STK10: variants seen among roughly 807,000 people sequenced by gnomAD.
STK10 encodes serine/threonine-protein kinase 10.
A neutral mutation model predicts 113.8 loss-of-function variants in STK10; 78 were observed. The ratio of observed to expected loss-of-function variants is 0.69; its 90% CI spans 0.57 to 0.83. The LOEUF (loss-of-function observed/expected upper bound fraction) is 0.83. Ranked by LOEUF, STK10 falls within the 40% of genes least tolerant of loss-of-function variation. STK10 has a pLI of 0.00. For missense variants in STK10, 1,109 were observed against 1,280.1 expected (o/e 0.87, Z 2.04); for synonymous variants, 465 against 494.7 (o/e 0.94, Z 0.80).
Position 172,055,793 on chromosome 5 carries a change from A to G in STK10, c.2338-17T>C. ...CTCCCGCTCCTGGAGAGGAATATCC[A>G]GAGGGGCTGAGGGCAGCTGCACTCT... On this transcript the variant is annotated splice_polypyrimidine_tract_variant and intron_variant, in intron 15 of 18. Coordinates refer to ENST00000176763, the MANE Select transcript of STK10 (RefSeq NM_005990.4). 1 of 1,452,362 alleles carries G rather than the reference A, an allele frequency of 6.9e-7. No homozygotes were observed. Among genetic ancestry groups the G allele is most frequent in the South Asian group, 1.5e-5 (1 of 66,496 alleles). The allele number at this position is 1,452,362 out of a possible 1,614,324, so 90.0% of individuals were successfully genotyped here. A position where few individuals can be genotyped will look rare whatever the true frequency, so the allele number is the denominator to read the frequency against.
At chr5:172,109,034 C>T (rs1475173232) in intron 4 of STK10, among the ~76,000 whole-genome samples, 1 of 152,220 alleles carries the variant, frequency 6.6e-6, no homozygotes, top group East Asian at 2.0e-4. Context: ...GTCCACCAGC[C>T]TTGGCCTTCC....
intron 13 of STK10, among the ~76,000 whole-genome samples, chr5:172,062,324 C>T (rs1767955127): frequency 6.6e-6 from 1 of 152,146 alleles, no homozygotes; most frequent in South Asian, 2.1e-4. Flanking sequence ...GTAAAACTCT[C>T]CACTCATCTT....
Position 172,044,767 on chromosome 5 carries a change from A to C in STK10, c.*115T>G, listed in dbSNP as rs912927307. 6.4e-7 allele frequency: 1 copy of C among 1,564,780 alleles called. No individual in the cohort carries two copies. Among genetic ancestry groups the C allele is most frequent in the Non-Finnish European group, 8.7e-7 (1 of 1,147,772 alleles). On this transcript the variant is annotated 3_prime_UTR_variant, in exon 19 of 19. Coordinates refer to ENST00000176763, the MANE Select transcript of STK10 (RefSeq NM_005990.4). This position sits in a 1 kb window ranked among gnomAD's most constrained non-coding sequence, Gnocchi z 4.5. Reference sequence around the variant, plus strand: ...GGGGTGGCACAGGGCGAGGGGCTGGATTTGAGCTGGCACAGACGCAAGAGG... The same window carrying C: ...GGGGTGGCACAGGGCGAGGGGCTGGCTTTGAGCTGGCACAGACGCAAGAGG...
In STK10 at chr5:172,083,011, G is replaced by A. The variant is rs768871728; in HGVS notation, c.1759C>T (p.His587Tyr). The A allele has an allele frequency of 1.1e-5, 17 of 1,614,054 alleles. No individual in the cohort carries two copies. The Admixed American group carries it at 2.8e-4, about 27-fold the overall frequency. Reference protein sequence around the residue: ...HRNQTQLSNKHELQLEQMHKR... With the variant: ...HRNQTQLSNKYELQLEQMHKR... The stretch of plus-strand genomic sequence containing the variant: ...TGCATTTGCTCCAGCTGCAGCTCAT[G>A]CTTGTTACTCAGCTGGGTCTGGTTC... Residue 587 changes from histidine to tyrosine, a missense_variant, in exon 11 of 19, where the codon CAT (histidine) becomes TAT (tyrosine). His to Tyr is a moderately conservative substitution (Grantham distance 83). Transcript: ENST00000176763.
At chr5:172,158,343 T>C (rs1257923284) in intron 1 of STK10, among the ~76,000 whole-genome samples, 4 of 151,244 alleles carry the variant, frequency 2.6e-5, no homozygotes, top group Non-Finnish European at 5.9e-5. Flanking sequence ...GCAGCCAAAG[T>C]GTGGAAACAA....
intron 4 of STK10, among the ~76,000 whole-genome samples, chr5:172,110,693 C>T (rs950784588): frequency 1.4e-4 from 22 of 152,100 alleles, no homozygotes; most frequent in Admixed American, 1.2e-3. Flanking sequence ...AGGCAGGAGA[C>T]GGGCAGGGCA....
At position 172,044,874 on chromosome 5, in the gene STK10, G is replaced by A. The variant is rs758255672; in HGVS notation, c.*8C>T. On this transcript the variant is annotated 3_prime_UTR_variant, in exon 19 of 19. Coordinates refer to ENST00000176763, the MANE Select transcript of STK10 (RefSeq NM_005990.4). This position sits in a 1 kb window ranked among gnomAD's most constrained non-coding sequence, Gnocchi z 4.5. Reference sequence around the variant, plus strand: ...CACCAAGCTGCCAGCCACAGCCCCGGGCGGTTGTTAAGAAGCATCCGCAGA... The same window carrying A: ...CACCAAGCTGCCAGCCACAGCCCCGAGCGGTTGTTAAGAAGCATCCGCAGA... 3 of 1,614,180 alleles carry A rather than the reference G, an allele frequency of 1.9e-6. No individual in the cohort carries two copies. Among genetic ancestry groups the A allele is most frequent in the Non-Finnish European group, 2.5e-6 (3 of 1,180,048 alleles).
In STK10 at chr5:172,187,656, G is replaced by T. The variant is rs1414765570; in HGVS notation, c.156+231C>A. 6.6e-6 allele frequency among the ~76,000 whole-genome samples: 1 copy of T among 152,256 alleles called. No homozygotes were observed. Among genetic ancestry groups the T allele is most frequent in the Non-Finnish European group, 1.5e-5 (1 of 68,044 alleles). On this transcript the variant is annotated intron_variant, in intron 1 of 18. Transcript: ENST00000176763. The surrounding 1 kb of genome is among the most constrained non-coding windows in gnomAD (Gnocchi z 4.6). Reference sequence around the variant, plus strand: ...CAGGAAGTGCTCCGAAACAGGGCTAGGGTGGGGGCGGCAACCGTGCCCGGA... The same window carrying T: ...CAGGAAGTGCTCCGAAACAGGGCTATGGTGGGGGCGGCAACCGTGCCCGGA...
At chr5:172,091,549 G>C (rs1200644533) in intron 9 of STK10, among the ~76,000 whole-genome samples, 2 of 69,226 alleles carry the variant, frequency 2.9e-5, no homozygotes, top group African/African-American at 7.6e-5. Flanking sequence ...TTTTTTTTTT[G>C]AGATGGAGTC....
chr5:172,090,469 C>T, intron 9 of STK10, 107 bp from the exon 10 acceptor site: 3 of 1,455,832 alleles, frequency 2.1e-6, no homozygotes, highest in Non-Finnish European at 1.9e-6. Context: ...TTCAGAACCA[C>T]CCCCAGAGAG....
At chr5:172,062,982 G>A (rs1767968623) in intron 13 of STK10, among the ~76,000 whole-genome samples, 1 of 152,158 alleles carries the variant, frequency 6.6e-6, no homozygotes, top group South Asian at 2.1e-4. Context: ...AGGTGCAGTG[G>A]CTCATGCCTG....
intron 2 of STK10, among the ~76,000 whole-genome samples, chr5:172,135,362 G>T (rs1023140471): frequency 1.3e-5 from 2 of 151,686 alleles, no homozygotes; most frequent in African/African-American, 4.8e-5. Context: ...AAATACAAAA[G>T]TTAGCCAGGT....
At chr5:172,091,315 G>A (rs1459877462) in intron 9 of STK10, among the ~76,000 whole-genome samples, 1 of 152,096 alleles carries the variant, frequency 6.6e-6, no homozygotes, top group Non-Finnish European at 1.5e-5. Flanking sequence ...CCACCTGCTA[G>A]GAGTCACCAT....
At chr5:172,168,366 G>A (rs541084128) in intron 1 of STK10, among the ~76,000 whole-genome samples, 1 of 152,338 alleles carries the variant, frequency 6.6e-6, no homozygotes, top group Non-Finnish European at 1.5e-5. Context: ...ACTATGTGCA[G>A]GAAAAGGGCC....
chr5:172,125,903 G>T (rs144282467), intron 3 of STK10, among the ~76,000 whole-genome samples: 29 of 152,178 alleles, frequency 1.9e-4, no homozygotes, highest in African/African-American at 7.0e-4. Flanking sequence ...GATCTTTCGG[G>T]ATTGTACTTG....
At chr5:172,046,373 A>AAAT (rs1554114677) in intron 18 of STK10, among the ~76,000 whole-genome samples, 1 of 150,188 alleles carries the variant, frequency 6.7e-6, no homozygotes, top group Non-Finnish European at 1.5e-5. Context: ...AAAAAAAAAA[A>AAAT]TTTTTTTTAC....
chr5:172,077,091 C>T (rs959865604), intron 12 of STK10, among the ~76,000 whole-genome samples: 1 of 152,208 alleles, frequency 6.6e-6, no homozygotes. Context: ...ACTGCTCTCC[C>T]GCTGAGATCT....
rs1767924894 is a variant in STK10, at chr5:172,061,157, T to A, written c.2194A>T (p.Lys732Ter). Residue 732 changes from lysine to a stop codon, truncating the protein, a stop_gained, in exon 14 of 19, where the codon AAG (lysine) becomes TAG (stop). Transcript: ENST00000176763. LOFTEE classifies it high-confidence loss of function. Reference sequence around the variant, plus strand: ...CCCCCACCTCGAAGGAGCTCCTGCTTCTTCATGAGGCACTCGCGCTCCTTG... The same window carrying A: ...CCCCCACCTCGAAGGAGCTCCTGCTACTTCATGAGGCACTCGCGCTCCTTG... ...CDKERECLMKKQELLRDREAA... is the reference protein window; with the variant it reads ...CDKERECLMK 1.2e-6 allele frequency: 2 copies of A among 1,611,960 alleles called. No individual in the cohort carries two copies. The highest frequency in any genetic ancestry group is 1.7e-6 in the Non-Finnish European group (2 of 1,179,560).
At chr5:172,057,561 C>T in intron 14 of STK10, 88 bp from the exon 15 acceptor site, 2 of 1,495,004 alleles carry the variant, frequency 1.3e-6, no homozygotes, top group Admixed American at 4.2e-5. Flanking sequence ...CTGGCCTCCT[C>T]ATGCTGGAGA....
Sources: gnomAD v4.1 joint callset for allele counts (sites outside exome capture counted in the v4.1 genomes callset) on GRCh38, gnomAD v4.1.1 for gene constraint, Gnocchi (gnomAD v3.1) non-coding constraint, MANE v1.5 for transcripts, NCBI Gene and HGNC (gene_info 2026-07-23, HGNC 2026-07-21) for gene names.